The following GRIN2B variants were observed in gnomAD, a reference collection of about 807,000 sequenced individuals.
The protein encoded by GRIN2B is glutamate receptor ionotropic, NMDA 2B.
In GRIN2B, 5 loss-of-function variants were observed where a neutral mutation model predicts 114.5. The ratio of observed to expected loss-of-function variants is 0.04; its 90% CI spans 0.02 to 0.09. The LOEUF is 0.09. Among genes scored for constraint, GRIN2B ranks in the 10% least tolerant of loss-of-function variants. GRIN2B has a pLI of 1.00. For missense variants in GRIN2B, 1,108 were observed against 1,943.5 expected, an observed-to-expected ratio of 0.57 and a Z score of 8.08; for synonymous variants, 787 against 745.1, an observed-to-expected ratio of 1.06 and a Z score of -0.92.
intron 5 of GRIN2B, among the ~76,000 whole-genome samples, chr12:13,674,858 G>T (rs1021067866): frequency 1.3e-5 from 2 of 152,060 alleles, no homozygotes; most frequent in African/African-American, 4.8e-5. Context: ...ACTTCCAAGG[G>T]TTAGTATGTT....
intron 2 of GRIN2B, among the ~76,000 whole-genome samples, chr12:13,874,558 T>C (rs914082017): frequency 6.6e-6 from 1 of 152,334 alleles, no homozygotes; most frequent in South Asian, 2.1e-4. Context: ...CAGTTCTTAA[T>C]TATAATTAAT....
intron 3 of GRIN2B, among the ~76,000 whole-genome samples, chr12:13,840,807 G>A (rs951489849): frequency 1.3e-5 from 2 of 151,630 alleles, no homozygotes; most frequent in Non-Finnish European, 2.9e-5. Flanking sequence ...TTTGTTGTTG[G>A]TGGTGATGGT....
chr12:13,773,333 A>C (rs952283342), intron 3 of GRIN2B, among the ~76,000 whole-genome samples: 10 of 152,336 alleles, frequency 6.6e-5, no homozygotes, highest in African/African-American at 2.4e-4. Context: ...GTTTATGTAC[A>C]AAAATGCAGA....
intron 3 of GRIN2B, among the ~76,000 whole-genome samples, chr12:13,773,798 T>C (rs1006092330): frequency 1.3e-5 from 2 of 152,104 alleles, no homozygotes; most frequent in African/African-American, 4.8e-5. Context: ...TGAGAAAGAA[T>C]CCAGCTTTAC....
At chr12:13,957,312 C>T (rs191772966) in intron 2 of GRIN2B, among the ~76,000 whole-genome samples, 4 of 152,198 alleles carry the variant, frequency 2.6e-5, no homozygotes, top group Non-Finnish European at 4.4e-5. Context: ...GTACTTAGGG[C>T]ATTTGGTGTG....
At chr12:13,737,537 GAAATCTGAA>G (rs1863207310) in intron 4 of GRIN2B, among the ~76,000 whole-genome samples, 1 of 152,126 alleles carries the variant, frequency 6.6e-6, no homozygotes, top group Admixed American at 6.6e-5. Flanking sequence ...TCTTAAATGT[GAAATCTGAA>G]GTTTGGCGAA....
chr12:13,641,988 G>A (rs1285926108), intron 5 of GRIN2B, among the ~76,000 whole-genome samples: 1 of 152,110 alleles, frequency 6.6e-6, no homozygotes, highest in African/African-American at 2.4e-5. Flanking sequence ...AGGAGCTCGA[G>A]ACCAGCCTGG....
intron 3 of GRIN2B, among the ~76,000 whole-genome samples, chr12:13,844,870 G>T (rs1049626140): frequency 1.3e-5 from 2 of 152,104 alleles, no homozygotes; most frequent in Non-Finnish European, 2.9e-5. Context: ...GTAATATTTT[G>T]TTATCTTTAT....
chr12:13,761,865 T>A (rs762263373), intron 3 of GRIN2B, among the ~76,000 whole-genome samples: 1 of 152,176 alleles, frequency 6.6e-6, no homozygotes, highest in Non-Finnish European at 1.5e-5. Flanking sequence ...TTAAACTAAG[T>A]GTTAATTAAG....
At chr12:13,799,714 G>A (rs1291740370) in intron 3 of GRIN2B, among the ~76,000 whole-genome samples, 1 of 152,090 alleles carries the variant, frequency 6.6e-6, no homozygotes, top group Non-Finnish European at 1.5e-5. Context: ...GGGGAAAGGA[G>A]GAGCAGGGAA....
chr12:13,963,228 GC>G (rs1367616069), intron 2 of GRIN2B, among the ~76,000 whole-genome samples: 3 of 151,912 alleles, frequency 2.0e-5, no homozygotes, highest in Non-Finnish European at 4.4e-5. Flanking sequence ...TCTCTGGATC[GC>G]CCCCTTGGAC....
At chr12:13,944,476 T>C in intron 2 of GRIN2B, among the ~76,000 whole-genome samples, 1 of 152,226 alleles carries the variant, frequency 6.6e-6, no homozygotes. Context: ...CCTCTTGCTC[T>C]GTAGCCAGGT....
rs529359182 is a variant in GRIN2B at position 13,570,903 on chromosome 12, A to C, written c.2172-886T>G. On this transcript the variant is annotated intron_variant, in intron 11 of 13. Transcript: ENST00000609686. ...TGTTAGGTACCCGATAGAAAGGGGA[A>C]CACCAAAAAACCAAATCCCTGATAT... 3.5e-4 allele frequency among the ~76,000 whole-genome samples: 54 copies of C among 152,316 alleles called. 1 individual carries two copies. The highest frequency in any genetic ancestry group is 1.7e-3 in the Admixed American group (26 of 15,298).
chr12:13,630,028 G>A lies in GRIN2B; in HGVS notation c.1126-13371C>T, dbSNP rs1038257372. Among the ~76,000 whole-genome samples the A allele has an allele frequency of 2.0e-5, 3 of 152,210 alleles. No individual in the cohort carries two copies. In the East Asian group the frequency reaches 5.8e-4, roughly 29 times the overall value. ...CTTATATCTAACTGCTTATGTGTCT[G>A]GTCTCCTCCAGTAGACTATGAGTTC... On this transcript the variant is annotated intron_variant, in intron 5 of 13. Coordinates refer to ENST00000609686, the MANE Select transcript of GRIN2B (RefSeq NM_000834.5).
In GRIN2B at chr12:13,905,393, C is replaced by A. The variant is rs1387657843; in HGVS notation, c.-18-39167G>T. ...CTGTTCCTAGAAGTTTTAGTTGGCT[C>A]TTTTACAAATCTTCAAAAATACTTT... On this transcript the variant is annotated intron_variant, in intron 2 of 13. Coordinates refer to ENST00000609686, the MANE Select transcript of GRIN2B (RefSeq NM_000834.5). Among the ~76,000 whole-genome samples the A allele has an allele frequency of 2.6e-5, 4 of 152,280 alleles. No homozygotes were observed. The East Asian group carries it at 7.7e-4, about 29-fold the overall frequency.
chr12:13,828,795 T>C (rs1277124701), intron 3 of GRIN2B, among the ~76,000 whole-genome samples: 1 of 152,200 alleles, frequency 6.6e-6, no homozygotes, highest in Non-Finnish European at 1.5e-5. Context: ...GAAGTGAAAG[T>C]ATCACAATTT....
At chr12:13,604,619 CATT>C (rs916744981) in intron 10 of GRIN2B, among the ~76,000 whole-genome samples, 30 of 152,292 alleles carry the variant, frequency 2.0e-4, no homozygotes, top group African/African-American at 7.2e-4. Flanking sequence ...CTTTTCTCAA[CATT>C]ATTGTTTGAA....
chr12:13,709,593 TA>T (rs1462571961), intron 4 of GRIN2B, among the ~76,000 whole-genome samples: 2 of 152,024 alleles, frequency 1.3e-5, no homozygotes, highest in African/African-American at 4.8e-5. Flanking sequence ...AAGAGTCAGT[TA>T]ACTTACAGGT....
chr12:13,565,711 T>C (rs920930467), intron 13 of GRIN2B, among the ~76,000 whole-genome samples: 1 of 152,154 alleles, frequency 6.6e-6, no homozygotes, highest in African/African-American at 2.4e-5. Context: ...ACGGGACTAA[T>C]TTGGAAAGGG....
Sources: gnomAD v4.1 joint callset for allele counts (sites outside exome capture counted in the v4.1 genomes callset) on GRCh38, gnomAD v4.1.1 for gene constraint, MANE v1.5 for transcripts, NCBI Gene and HGNC (gene_info 2026-07-23, HGNC 2026-07-21) for gene names.